FGGY: variants seen among roughly 807,000 people sequenced by gnomAD.
FGGY encodes the protein FGGY carbohydrate kinase domain-containing protein.
A neutral mutation model predicts 71.3 loss-of-function variants in FGGY; 72 were observed. The ratio of observed to expected loss-of-function variants is 1.01; its 90% CI spans 0.84 to 1.23. The LOEUF (loss-of-function observed/expected upper bound fraction) is 1.23. Among genes scored for constraint, FGGY ranks in the 50% most tolerant of loss-of-function variants. FGGY has a pLI of 0.00. For missense variants in FGGY, 668 were observed against 682.3 expected (o/e 0.98, Z 0.23); for synonymous variants, 251 against 250.3 (o/e 1.00, Z -0.02).
intron 1 of FGGY, among the ~76,000 whole-genome samples, chr1:59,315,931 T>C (rs1294569773): frequency 6.6e-6 from 1 of 152,204 alleles, no homozygotes; most frequent in Non-Finnish European, 1.5e-5. Context: ...AGGTAAAGTT[T>C]TGGTTAGCAA....
chr1:59,642,488 G>C (rs1272121300), intron 11 of FGGY, among the ~76,000 whole-genome samples: 2 of 152,066 alleles, frequency 1.3e-5, no homozygotes, highest in Admixed American at 6.5e-5. Context: ...AGCTGGGCGT[G>C]GTGGTGGACG....
At chr1:59,610,330 A>T (rs973815442) in intron 9 of FGGY, among the ~76,000 whole-genome samples, 1 of 151,794 alleles carries the variant, frequency 6.6e-6, no homozygotes, top group Non-Finnish European at 1.5e-5. Context: ...GAGAACATGC[A>T]GTGTTTGGTT....
chr1:59,529,500 T>G (rs565395789), intron 7 of FGGY, among the ~76,000 whole-genome samples: 2 of 152,250 alleles, frequency 1.3e-5, no homozygotes, highest in South Asian at 4.1e-4. Flanking sequence ...ACGTAGAGTA[T>G]TCTGGATGGA....
chr1:59,406,228 AGAGAG>A (rs2062726664), intron 5 of FGGY, among the ~76,000 whole-genome samples: 1 of 125,072 alleles, frequency 8.0e-6, no homozygotes, highest in African/African-American at 2.7e-5. Flanking sequence ...AGAAATGCTC[AGAGAG>A]GAGGATAATT....
rs1164644752 is a variant in FGGY, at chr1:59,667,286, G to A, written c.1300G>A (p.Gly434Arg). The part of the protein sequence containing the change: ...YLATVQAIAL[G>R]TRFIIEAMEA... ...ATCTTCTGCTTTTCCTTTCAAGTTG[G>A]GGACTCGCTTCATTATAGAAGCCAT... is the stretch of plus-strand genomic sequence containing the variant. The change falls in exon 13 of 16, where the codon GGG (glycine) becomes AGG (arginine). Residue 434 changes from glycine to arginine, a missense_variant. Around this residue, in one of 2 missense-constraint regions of FGGY, gnomAD observed 661 missense variants for 661.6 expected, o/e 1.00. Transcript: ENST00000303721. The A allele has an allele frequency of 5.0e-6, 8 of 1,614,022 alleles. No homozygotes were observed. The South Asian group carries it at 5.5e-5, about 11-fold the overall frequency.
At chr1:59,576,715 T>C (rs919765325) in intron 8 of FGGY, among the ~76,000 whole-genome samples, 13 of 129,396 alleles carry the variant, frequency 1.0e-4, no homozygotes, top group African/African-American at 3.2e-4. Flanking sequence ...CACACACACA[T>C]TTCCTTATGA....
rs747343466 is a variant in FGGY at position 59,607,794 on chromosome 1, T to C, written c.904-9T>C. On this transcript the variant is annotated splice_polypyrimidine_tract_variant and intron_variant, in intron 8 of 15. Transcript: ENST00000303721. ...AATGTTTTCACATATTTTCCATCTT[T>C]CTTTCCAGATCAGCAAAGACCCGAT... is the stretch of plus-strand genomic sequence containing the variant. 7 of 1,609,562 alleles carry C rather than the reference T, an allele frequency of 4.3e-6. No homozygotes were observed. The Admixed American group carries it at 1.2e-4, about 27-fold the overall frequency.
Position 59,321,648 on chromosome 1 carries a change from G to T in FGGY, c.99G>T (p.Leu33=). The T allele has an allele frequency of 6.2e-7, 1 of 1,613,588 alleles. No homozygotes were observed. The highest frequency in any genetic ancestry group is 8.5e-7 in the Non-Finnish European group (1 of 1,179,716). Residue 33 remains leucine, a synonymous_variant, in exon 2 of 16, where the codon CTG becomes CTT. Transcript: ENST00000303721. ...RAALVDQSGV[L]LAFADQPIKN... is the part of the protein sequence containing the mutation. ...CTCTGGTGGACCAGAGTGGGGTCCT[G>T]TTGGCTTTTGCAGACCAGCCAATTA...
chr1:59,637,074 C>T (rs760424456), intron 10 of FGGY, among the ~76,000 whole-genome samples: 13 of 152,124 alleles, frequency 8.5e-5, no homozygotes, highest in South Asian at 6.2e-4. Flanking sequence ...GAAGGTTGAC[C>T]AGCTTTCATC....
At chr1:59,368,940 G>A (rs535670894) in intron 4 of FGGY, among the ~76,000 whole-genome samples, 163 of 152,200 alleles carry the variant, frequency 1.1e-3, no homozygotes, top group Non-Finnish European at 2.0e-3. Flanking sequence ...GAGCCAAGAT[G>A]GCTGAACAGG....
intron 4 of FGGY, among the ~76,000 whole-genome samples, chr1:59,375,766 C>G (rs940723950): frequency 7.9e-5 from 12 of 151,308 alleles, no homozygotes; most frequent in Non-Finnish European, 1.5e-5. Flanking sequence ...GGCTTGAGTT[C>G]TTTGTGACAT....
chr1:59,532,630 C>T (rs1230971832), intron 7 of FGGY, among the ~76,000 whole-genome samples: 1 of 152,000 alleles, frequency 6.6e-6, no homozygotes, highest in African/African-American at 2.4e-5. Flanking sequence ...TTTTAAAAAT[C>T]ATGGCAAACT....
chr1:59,634,408 AAAAAAG>A (rs2096936794), intron 10 of FGGY, among the ~76,000 whole-genome samples: 1 of 152,212 alleles, frequency 6.6e-6, no homozygotes, highest in South Asian at 2.1e-4. Context: ...TCTGTCTGGA[AAAAAAG>A]AAAAAGAAAA....
intron 14 of FGGY, among the ~76,000 whole-genome samples, chr1:59,715,353 A>G (rs2097837289): frequency 6.6e-6 from 1 of 152,180 alleles, no homozygotes; most frequent in Non-Finnish European, 1.5e-5. Flanking sequence ...CCTGTTCCCT[A>G]CTGACTGGAA....
intron 7 of FGGY, among the ~76,000 whole-genome samples, chr1:59,537,418 C>G (rs967412637): frequency 5.9e-5 from 9 of 152,176 alleles, no homozygotes; most frequent in Admixed American, 3.9e-4. Flanking sequence ...AATGGCCATA[C>G]TGCCCAAGGT....
chr1:59,501,717 G>A (rs913254176), intron 6 of FGGY, among the ~76,000 whole-genome samples: 9 of 152,196 alleles, frequency 5.9e-5, no homozygotes, highest in Non-Finnish European at 1.0e-4. Flanking sequence ...AAGGCATGCC[G>A]TGGAGACATG....
At chr1:59,315,815 C>CT (rs1295423532) in intron 1 of FGGY, 2 of 152,190 alleles carry the variant, frequency 1.3e-5, no homozygotes, top group African/African-American at 4.8e-5. Context: ...GTTTGGGTTT[C>CT]TTTTGAGCCA....
intron 6 of FGGY, among the ~76,000 whole-genome samples, chr1:59,508,894 G>T (rs1204359690): frequency 1.3e-5 from 2 of 152,150 alleles, no homozygotes; most frequent in Non-Finnish European, 2.9e-5. Flanking sequence ...GGGATGGTTG[G>T]CTGTGAAAGA....
chr1:59,507,590 T>C (rs191373107), intron 6 of FGGY, among the ~76,000 whole-genome samples: 8 of 152,102 alleles, frequency 5.3e-5, no homozygotes, highest in South Asian at 2.1e-4. Flanking sequence ...AATCTCGGCT[T>C]ACTGCAACCT....
Sources: allele counts gnomAD v4.1 joint callset (sites outside exome capture counted in the v4.1 genomes callset), GRCh38; gene constraint gnomAD v4.1.1; regional missense constraint gnomAD v4.1.1; transcripts MANE v1.5; gene names NCBI Gene and HGNC (gene_info 2026-07-23, HGNC 2026-07-21).